The following GRM1 variants were observed in gnomAD, a reference collection of about 807,000 sequenced individuals.
GRM1 encodes the protein metabotropic glutamate receptor 1.
GRM1 carries 33 observed loss-of-function variants against 90.9 expected under a neutral mutation model. The observed-to-expected ratio is 0.36, with a 90% confidence interval of 0.28 to 0.49. The LOEUF (loss-of-function observed/expected upper bound fraction) is 0.49, where lower values mean the gene tolerates loss of function less well. Ranked by LOEUF, GRM1 falls within the 20% of genes least tolerant of loss-of-function variation. The probability of loss-of-function intolerance (pLI) is 0.99; values close to 1 mark genes in which losing one functional copy is unlikely to be tolerated. For synonymous variants in GRM1, 700 were observed against 613.2 expected, an observed-to-expected ratio of 1.14 and a Z score of -2.09; for missense variants, 1,190 against 1,534.3, an observed-to-expected ratio of 0.78 and a Z score of 3.75.
chr6:146,414,232 A>C (rs1777678606), intron 7 of GRM1, among the ~76,000 whole-genome samples: 1 of 152,038 alleles, frequency 6.6e-6, no homozygotes, highest in Non-Finnish European at 1.5e-5. Context: ...GCGTATGTAG[A>C]GGTATTTAAT....
intron 1 of GRM1, among the ~76,000 whole-genome samples, chr6:146,092,670 G>A (rs965942920): frequency 2.0e-5 from 3 of 152,048 alleles, no homozygotes; most frequent in African/African-American, 4.8e-5. Context: ...TCTTGTCACA[G>A]GTCAGAGGCT....
chr6:146,190,797 A>G (rs1778911294), intron 2 of GRM1, among the ~76,000 whole-genome samples: 2 of 152,094 alleles, frequency 1.3e-5, no homozygotes, highest in South Asian at 4.2e-4. Context: ...CTCCTAATTG[A>G]CTTTCTTGGC....
At chr6:146,335,944 A>G (rs1436162415) in intron 3 of GRM1, among the ~76,000 whole-genome samples, 1 of 152,154 alleles carries the variant, frequency 6.6e-6, no homozygotes, top group African/African-American at 2.4e-5. Flanking sequence ...ATGGTTTTAC[A>G]GAGGGCAGTT....
chr6:146,133,987 C>T (rs1776509902), intron 1 of GRM1, among the ~76,000 whole-genome samples: 1 of 152,222 alleles, frequency 6.6e-6, no homozygotes, highest in Admixed American at 6.5e-5. Flanking sequence ...AAAATCCTGG[C>T]CTGTGGAGCA....
chr6:146,344,869 T>C (rs1032994989), intron 3 of GRM1, among the ~76,000 whole-genome samples: 1 of 152,114 alleles, frequency 6.6e-6, no homozygotes, highest in African/African-American at 2.4e-5. Flanking sequence ...TGGAGTGCAA[T>C]GGCATGATCT....
In GRM1 at chr6:146,306,171, C is replaced by T. The variant is rs1006828739; in HGVS notation, c.1186+1325C>T. Among the ~76,000 whole-genome samples, 5 of 152,116 alleles carry T rather than the reference C, an allele frequency of 3.3e-5. No individual in the cohort carries two copies. The South Asian group carries it at 6.2e-4, about 19-fold the overall frequency. ...CTCAGTGTGGCTTCTAGGGAGGCGGCGAAAGGCAGGAGAAAGGGGAGACAT... is the reference window on the plus strand; with the variant it reads ...CTCAGTGTGGCTTCTAGGGAGGCGGTGAAAGGCAGGAGAAAGGGGAGACAT... On this transcript the variant is annotated intron_variant, in intron 3 of 7. Coordinates refer to ENST00000282753, the MANE Select transcript of GRM1 (RefSeq NM_001278064.2).
chr6:146,261,845 G>A (rs1351134269), intron 2 of GRM1, among the ~76,000 whole-genome samples: 1 of 151,928 alleles, frequency 6.6e-6, no homozygotes, highest in Non-Finnish European at 1.5e-5. Flanking sequence ...GCAGACTATA[G>A]ATATGAAAAA....
chr6:146,092,334 C>A (rs1358853398), intron 1 of GRM1, among the ~76,000 whole-genome samples: 1 of 152,034 alleles, frequency 6.6e-6, no homozygotes, highest in Admixed American at 6.6e-5. Context: ...ACTAGGGTTT[C>A]AACATGATTT....
At chr6:146,345,401 G>A (rs1466323059) in intron 3 of GRM1, among the ~76,000 whole-genome samples, 1 of 152,142 alleles carries the variant, frequency 6.6e-6, no homozygotes, top group East Asian at 1.9e-4. Context: ...AACATTTATG[G>A]TTTTGTTTTG....
intron 2 of GRM1, among the ~76,000 whole-genome samples, chr6:146,210,570 T>C (rs1004656477): frequency 2.0e-5 from 3 of 152,076 alleles, no homozygotes; most frequent in African/African-American, 7.2e-5. Flanking sequence ...TGGGTAGGTG[T>C]TGCAGGAACA....
At chr6:146,292,548 G>A (rs893864868) in intron 2 of GRM1, among the ~76,000 whole-genome samples, 3 of 151,862 alleles carry the variant, frequency 2.0e-5, no homozygotes. Context: ...TACAAAAATG[G>A]TAATCAAAAT....
At chr6:146,115,966 T>C (rs1775730142) in intron 1 of GRM1, among the ~76,000 whole-genome samples, 2 of 152,170 alleles carry the variant, frequency 1.3e-5, no homozygotes, top group South Asian at 4.1e-4. Context: ...AGTAGATATA[T>C]TTGTTTCATT....
chr6:146,410,264 A>G (rs138765508), intron 7 of GRM1, among the ~76,000 whole-genome samples: 2 of 151,906 alleles, frequency 1.3e-5, no homozygotes. Context: ...TCCTTAATTT[A>G]AAAAAAATAC....
At chr6:146,311,366 A>G (rs1287976924) in intron 3 of GRM1, among the ~76,000 whole-genome samples, 2 of 152,266 alleles carry the variant, frequency 1.3e-5, no homozygotes, top group Non-Finnish European at 2.9e-5. Flanking sequence ...AATAGGTTTT[A>G]CAAGTCTTAG....
chr6:146,266,995 G>T (rs527315095), intron 2 of GRM1, among the ~76,000 whole-genome samples: 17 of 152,248 alleles, frequency 1.1e-4, no homozygotes, highest in Admixed American at 3.9e-4. Context: ...CATCACCTAG[G>T]TATTAAGCCC....
At chr6:146,270,247 T>C (rs905755087) in intron 2 of GRM1, among the ~76,000 whole-genome samples, 1 of 152,088 alleles carries the variant, frequency 6.6e-6, no homozygotes, top group Non-Finnish European at 1.5e-5. Flanking sequence ...GATTCAGGGA[T>C]CAACACTTTT....
At chr6:146,028,086 G>A (rs537440262), upstream of GRM1, among the ~76,000 whole-genome samples, 3 of 152,210 alleles carry the variant, frequency 2.0e-5, no homozygotes, top group South Asian at 6.2e-4. Context: ...GGGGAGGAAC[G>A]GGAGAGGGAG....
intron 2 of GRM1, among the ~76,000 whole-genome samples, chr6:146,217,132 T>C (rs1779900819): frequency 6.6e-6 from 1 of 152,210 alleles, no homozygotes; most frequent in Non-Finnish European, 1.5e-5. Flanking sequence ...CCTAGTTATA[T>C]TGATTCTTAT....
rs948564844 is a variant in GRM1 at position 146,310,746 on chromosome 6, G to A, written c.1186+5900G>A. 5.9e-5 allele frequency among the ~76,000 whole-genome samples: 9 copies of A among 152,274 alleles called. No homozygotes were observed. In the East Asian group the frequency reaches 1.5e-3, roughly 26 times the overall value. On this transcript the variant is annotated intron_variant, in intron 3 of 7. Transcript: ENST00000282753. ...AGCTTGAATTTATCTGGTAGAAGAT[G>A]AGAAATAACATGGATCAGAAACAGG...
Sources: gnomAD v4.1 joint callset for allele counts (sites outside exome capture counted in the v4.1 genomes callset) on GRCh38, gnomAD v4.1.1 for gene constraint, MANE v1.5 for transcripts, NCBI Gene and HGNC (gene_info 2026-07-23, HGNC 2026-07-21) for gene names.